Variants in HEXD observed in about 807,000 individuals in gnomAD.
HEXD encodes N-acetyl-beta-galactosaminidase.
In HEXD, 47 loss-of-function variants were observed where a neutral mutation model predicts 54.2. That is an observed-to-expected ratio of 0.87 (90% CI 0.69 to 1.11). The LOEUF (loss-of-function observed/expected upper bound fraction) is 1.11. Ranked by LOEUF, HEXD falls within the 50% of genes least tolerant of loss-of-function variation. HEXD has a pLI of 0.00. For synonymous variants in HEXD, 293 were observed against 287.6 expected, an observed-to-expected ratio of 1.02 and a Z score of -0.19; for missense variants, 576 against 649.2, an observed-to-expected ratio of 0.89 and a Z score of 1.23.
intron 9 of HEXD, 83 bp from the exon 10 acceptor site, chr17:82,440,914 G>C: frequency 6.7e-7 from 1 of 1,494,840 alleles, no homozygotes; most frequent in South Asian, 1.1e-5. Flanking sequence ...CACTGCCCCA[G>C]TACCTAGGCC....
In HEXD at chr17:82,436,754, TG is replaced by T; in HGVS notation, c.703+22del. 2 of 1,607,658 alleles carry T rather than the reference TG, an allele frequency of 1.2e-6. No homozygotes were observed. Among genetic ancestry groups the T allele is most frequent in the Admixed American group, 1.7e-5 (1 of 59,338 alleles). ...CACGGCAAGGGTCAGTGCCAAGTTG[TG>T]GGGGGTGTGTTGTCCTGGCCATGTG... On this transcript the variant is annotated intron_variant, in intron 7 of 12. Transcript: ENST00000327949.
intron 3 of HEXD, chr17:82,425,371 G>T (rs1283157070): frequency 2.8e-5 from 5 of 179,982 alleles, no homozygotes; most frequent in Non-Finnish European, 5.8e-5. Flanking sequence ...GAGGAGGCTG[G>T]AGAAGGCTGG....
Position 82,424,386 on chromosome 17 carries a change from C to T in HEXD, c.85-8C>T, listed in dbSNP as rs1599723619. ...CTTCTTCCTAACCCCTCCCTGTTTA[C>T]CCCCCAGATTTTTCCTCTGTTCCGT... On this transcript the variant is annotated splice_region_variant and splice_polypyrimidine_tract_variant and intron_variant, in intron 2 of 12. Transcript: ENST00000327949. The T allele has an allele frequency of 6.3e-7, 1 of 1,599,660 alleles. No individual in the cohort carries two copies. The highest frequency in any genetic ancestry group is 8.6e-7 in the Non-Finnish European group (1 of 1,167,008).
chr17:82,436,107 T>C (rs1237796495), intron 6 of HEXD, among the ~76,000 whole-genome samples: 1 of 152,120 alleles, frequency 6.6e-6, no homozygotes, highest in Non-Finnish European at 1.5e-5. Context: ...GGCTTGGGAG[T>C]GTCCAGCACT....
rs1190895718 is a variant in HEXD, at chr17:82,418,559, G to A, written c.-233G>A. 2.4e-6 allele frequency: 2 copies of A among 834,036 alleles called. No homozygotes were observed. Among genetic ancestry groups the A allele is most frequent in the Non-Finnish European group, 3.2e-6 (2 of 616,600 alleles). 51.7% of individuals were successfully genotyped at this position (834,036 alleles called of 1,614,324 possible). ...GGACGAACGCCGTAACAGGGAGCGC[G>A]AGGCAGGCACGGCGCAGGGACGCGA... On this transcript the variant is annotated 5_prime_UTR_variant, in exon 1 of 13. Transcript: ENST00000327949.
intron 4 of HEXD, among the ~76,000 whole-genome samples, chr17:82,430,130 G>T (rs564192912): frequency 6.6e-6 from 1 of 152,048 alleles, no homozygotes. Flanking sequence ...TTCCTAATGG[G>T]TCTCCCGGGG....
chr17:82,436,347 G>A (rs945393483), intron 6 of HEXD, among the ~76,000 whole-genome samples: 1 of 152,374 alleles, frequency 6.6e-6, no homozygotes, highest in South Asian at 2.1e-4. Context: ...TCCTAGGGCC[G>A]TGCCGGCCTG....
At chr17:82,424,572 G>A in intron 3 of HEXD, 69 bp downstream of exon 3, 1 of 1,091,104 alleles carries the variant, frequency 9.2e-7, no homozygotes, top group Non-Finnish European at 1.4e-6. Context: ...CGCAGGGCAG[G>A]AGGAGCAGCA....
intron 4 of HEXD, among the ~76,000 whole-genome samples, chr17:82,430,431 C>CA (rs2143499815): frequency 6.6e-6 from 1 of 152,326 alleles, no homozygotes; most frequent in Admixed American, 6.5e-5. Context: ...CTCTGTTTCC[C>CA]AGGCTGGAGT....
intron 3 of HEXD, 120 bp downstream of exon 3, chr17:82,424,623 G>T: frequency 4.7e-6 from 3 of 636,566 alleles, no homozygotes; most frequent in Admixed American, 5.6e-5. Context: ...CTGAACAGTG[G>T]TGGGTACATT....
intron 4 of HEXD, among the ~76,000 whole-genome samples, chr17:82,431,967 G>A (rs967738835): frequency 1.3e-5 from 2 of 152,208 alleles, no homozygotes; most frequent in Non-Finnish European, 2.9e-5. Flanking sequence ...CATTTAACCT[G>A]CAGGACCTGC....
At chr17:82,435,992 C>T (rs933459239) in intron 6 of HEXD, 120 bp downstream of exon 6, 59 of 942,080 alleles carry the variant, frequency 6.3e-5, no homozygotes, top group Middle Eastern at 3.4e-4. Flanking sequence ...CGCACAGACC[C>T]GCCACAACCA....
intron 3 of HEXD, chr17:82,428,064 G>A (rs1299409267): frequency 1.3e-5 from 2 of 153,002 alleles, no homozygotes; most frequent in East Asian, 1.9e-4. Flanking sequence ...GGCTCACCGC[G>A]AACTCTGCCT....
chr17:82,419,969 G>A, intron 2 of HEXD, 86 bp downstream of exon 2: 1 of 762,476 alleles, frequency 1.3e-6, no homozygotes, highest in Non-Finnish European at 2.1e-6. Context: ...GTGGAAACGG[G>A]TACCTAGAAC....
At chr17:82,437,017 G>A (rs1457038600) in intron 7 of HEXD, 151 bp from the exon 8 acceptor site, 12 of 740,372 alleles carry the variant, frequency 1.6e-5, no homozygotes, top group East Asian at 2.5e-5. Context: ...CGGGCCGGCC[G>A]CATACACTCT....
chr17:82,432,286 C>T (rs1017742657), intron 4 of HEXD, among the ~76,000 whole-genome samples: 10 of 152,246 alleles, frequency 6.6e-5, no homozygotes, highest in Middle Eastern at 6.8e-3. Flanking sequence ...ATCTGGCTTT[C>T]TGTTTCCAGG....
Position 82,435,870 on chromosome 17 carries a change from C to G in HEXD, c.629C>G (p.Ala210Gly). Residue 210 changes from alanine to glycine, a missense_variant and splice_region_variant, in exon 6 of 13, where the codon GCA becomes GGA. Coordinates refer to ENST00000327949, the MANE Select transcript of HEXD (RefSeq NM_001330542.2). Reference protein sequence around the residue: ...MLRDLPEDQLAASGVPQLVEP... With the variant: ...MLRDLPEDQLGASGVPQLVEP... ...CGAGACCTGCCTGAGGACCAGCTCG[C>G]AGGTCGGCCAACAGGGCTGGGGGAG... 6.2e-7 allele frequency: 1 copy of G among 1,603,158 alleles called. No individual in the cohort carries two copies. The highest frequency in any genetic ancestry group is 1.1e-5 in the South Asian group (1 of 90,780).
At chr17:82,427,215 A>G (rs2053442783) in intron 3 of HEXD, 1 of 151,980 alleles carries the variant, frequency 6.6e-6, no homozygotes, top group Admixed American at 6.6e-5. Context: ...AGGAAGGAGA[A>G]TTGCATGAAC....
At chr17:82,420,036 T>C in intron 2 of HEXD, 153 bp downstream of exon 2, 1 of 406,908 alleles carries the variant, frequency 2.5e-6, no homozygotes, top group East Asian at 3.6e-5. Context: ...ATTTTGAATT[T>C]CCTCCATAGC....
Sources: allele counts gnomAD v4.1 joint callset (sites outside exome capture counted in the v4.1 genomes callset), GRCh38; gene constraint gnomAD v4.1.1; transcripts MANE v1.5; gene names NCBI Gene and HGNC (gene_info 2026-07-23, HGNC 2026-07-21).